The following PTPRG variants were observed in gnomAD, a reference collection of about 807,000 sequenced individuals.
PTPRG encodes receptor-type tyrosine-protein phosphatase gamma.
PTPRG carries 102 observed loss-of-function variants against 165.3 expected under a neutral mutation model. The ratio of observed to expected loss-of-function variants is 0.62; its 90% confidence interval spans 0.53 to 0.73. The LOEUF is 0.73. Among genes scored for constraint, PTPRG ranks in the 30% least tolerant of loss-of-function variants. PTPRG has a pLI of 0.00. For synonymous variants in PTPRG, 675 were observed against 669.5 expected (o/e 1.01, Z -0.13); for missense variants, 1,866 against 1,861.4 (o/e 1.00, Z -0.05).
At chr3:61,572,302 A>C (rs1414021923) in intron 1 of PTPRG, among the ~76,000 whole-genome samples, 8 of 152,196 alleles carry the variant, frequency 5.3e-5, no homozygotes, top group Admixed American at 5.2e-4. Context: ...AGTTAAAAAA[A>C]ATATGGAGAT....
At chr3:61,952,251 C>G (rs974798982) in intron 2 of PTPRG, among the ~76,000 whole-genome samples, 1 of 151,980 alleles carries the variant, frequency 6.6e-6, no homozygotes, top group Non-Finnish European at 1.5e-5. Context: ...CACTTTAGTG[C>G]CTGTGCTGTA....
chr3:62,022,118 G>C (rs1048279356), intron 4 of PTPRG, among the ~76,000 whole-genome samples: 14 of 152,132 alleles, frequency 9.2e-5, no homozygotes, highest in African/African-American at 3.4e-4. Flanking sequence ...CAAGGCTGCT[G>C]TACGTGACTA....
intron 12 of PTPRG, among the ~76,000 whole-genome samples, chr3:62,215,546 A>AACCC (rs1700475367): frequency 1.6e-5 from 1 of 63,756 alleles, no homozygotes; most frequent in Non-Finnish European, 2.9e-5. Flanking sequence ...CCCTACGGGA[A>AACCC]CCCCCCCCCC....
At chr3:62,068,423 A>G (rs898384786) in intron 4 of PTPRG, among the ~76,000 whole-genome samples, 1 of 152,156 alleles carries the variant, frequency 6.6e-6, no homozygotes, top group Non-Finnish European at 1.5e-5. Flanking sequence ...CTTATATTAA[A>G]TGGAATGAAT....
At position 62,292,472 on chromosome 3, in the gene PTPRG, G is replaced by A. The variant is rs1276677729; in HGVS notation, c.4107G>A (p.Gln1369=). ...TATGTGCCCTTACCACCCTGTCCCA[G>A]CAACTGGAGAATGAAAATGCTGTGG... ...GMLCALTTLS[Q]QLENENAVDV... Residue 1369 remains glutamine (Q), a synonymous_variant, in exon 29 of 30, where the codon CAG becomes CAA. Coordinates refer to ENST00000474889, the MANE Select transcript of PTPRG (RefSeq NM_002841.4). 1 of 1,613,488 alleles carries A rather than the reference G, an allele frequency of 6.2e-7. No homozygotes were observed. The highest frequency in any genetic ancestry group is 8.5e-7 in the Non-Finnish European group (1 of 1,179,686).
intron 12 of PTPRG, among the ~76,000 whole-genome samples, chr3:62,205,843 C>T (rs1490469544): frequency 1.3e-5 from 2 of 150,570 alleles, no homozygotes; most frequent in African/African-American, 2.5e-5. Context: ...ATCTTGGCTG[C>T]AGTGTTACTT....
At position 62,231,262 on chromosome 3, in the gene PTPRG, C is replaced by T. The variant is rs141787038; in HGVS notation, c.2326C>T (p.Arg776Cys). Residue 776 changes from arginine (R) to cysteine (C), a missense_variant, in exon 14 of 30, where the codon CGT (arginine) becomes TGT (cysteine). Arg to Cys is a radical substitution (Grantham distance 180, BLOSUM62 -3). Transcript: ENST00000474889. ...NKIKSKGFPR[R>C]FREVPSSGER... ...AATAAAGTCCAAGGGCTTTCCCAGACGTTTCCGTGAAGTGCCTTCTTCTGG... is the reference window on the plus strand; with the variant it reads ...AATAAAGTCCAAGGGCTTTCCCAGATGTTTCCGTGAAGTGCCTTCTTCTGG... The T allele has an allele frequency of 2.9e-4, 459 of 1,593,714 alleles. 1 individual carries two copies. In the African/African-American group the frequency reaches 5.7e-3, roughly 20 times the overall value.
At chr3:61,827,811 A>G (rs1008179051) in intron 2 of PTPRG, among the ~76,000 whole-genome samples, 6 of 152,182 alleles carry the variant, frequency 3.9e-5, no homozygotes, top group African/African-American at 1.4e-4. Flanking sequence ...ATCCTGATAC[A>G]GTTACTTTAG....
chr3:61,822,359 G>T (rs1296021438), intron 2 of PTPRG, among the ~76,000 whole-genome samples: 1 of 152,214 alleles, frequency 6.6e-6, no homozygotes, highest in East Asian at 1.9e-4. Flanking sequence ...CATGTTTTGA[G>T]AATTTCCCTC....
At chr3:62,146,802 A>C (rs761623709) in intron 6 of PTPRG, among the ~76,000 whole-genome samples, 1 of 152,236 alleles carries the variant, frequency 6.6e-6, no homozygotes, top group African/African-American at 2.4e-5. Flanking sequence ...ATGCATAAAC[A>C]AATGAGCTGT....
rs565030710 is a variant in PTPRG, at chr3:62,222,950, G to A, written c.2288+3967G>A. ...GTTGCTATAACAGCATATAGGAAGGGCTTCAGCCCAACCTGGAATAGGGGT... is the reference window on the plus strand; with the variant it reads ...GTTGCTATAACAGCATATAGGAAGGACTTCAGCCCAACCTGGAATAGGGGT... On this transcript the variant is annotated intron_variant, in intron 13 of 29. Transcript: ENST00000474889. This position sits in a 1 kb window ranked among gnomAD's most constrained non-coding sequence, Gnocchi z 4.5. 1.3e-5 allele frequency among the ~76,000 whole-genome samples: 2 copies of A among 152,258 alleles called. No individual in the cohort carries two copies. The highest frequency in any genetic ancestry group is 2.1e-4 in the South Asian group (1 of 4,826).
At chr3:61,918,255 G>C (rs2038990270) in intron 2 of PTPRG, among the ~76,000 whole-genome samples, 1 of 151,954 alleles carries the variant, frequency 6.6e-6, no homozygotes, top group African/African-American at 2.4e-5. Context: ...CATTCTCAGG[G>C]GACTAAATCA....
intron 2 of PTPRG, among the ~76,000 whole-genome samples, chr3:61,978,154 C>T (rs73839621): frequency 1.3e-3 from 194 of 152,284 alleles, no homozygotes; most frequent in African/African-American, 4.5e-3. Flanking sequence ...GCCTGACTGA[C>T]ATTTAGAGCT....
chr3:61,894,804 A>G (rs2038307632), intron 2 of PTPRG, among the ~76,000 whole-genome samples: 2 of 152,218 alleles, frequency 1.3e-5, no homozygotes, highest in East Asian at 1.9e-4. Flanking sequence ...TGGAGATCAG[A>G]TCCACTTAGT....
chr3:61,786,562 A>G (rs1222921494), intron 2 of PTPRG, among the ~76,000 whole-genome samples: 1 of 152,204 alleles, frequency 6.6e-6, no homozygotes. Flanking sequence ...AACGTAGCGA[A>G]GAGTTAGAAA....
intron 4 of PTPRG, among the ~76,000 whole-genome samples, chr3:62,013,866 A>C (rs146142617): frequency 2.2e-3 from 331 of 151,362 alleles, no homozygotes; most frequent in African/African-American, 7.8e-3. Context: ...TTTGAACACT[A>C]TTCTTCTCAG....
chr3:61,816,056 T>C (rs2035753252), intron 2 of PTPRG, among the ~76,000 whole-genome samples: 1 of 152,232 alleles, frequency 6.6e-6, no homozygotes, highest in African/African-American at 2.4e-5. Flanking sequence ...AATAACTCTT[T>C]TAAGTTTGTT....
At chr3:61,666,136 T>C (rs996271433) in intron 1 of PTPRG, among the ~76,000 whole-genome samples, 5 of 151,962 alleles carry the variant, frequency 3.3e-5, no homozygotes, top group African/African-American at 1.2e-4. Flanking sequence ...GGAGAAAGAG[T>C]TGCAGAGTGT....
intron 2 of PTPRG, among the ~76,000 whole-genome samples, chr3:61,878,071 A>G (rs2037792657): frequency 6.6e-6 from 1 of 152,232 alleles, no homozygotes; most frequent in African/African-American, 2.4e-5. Context: ...AATTTTCTCA[A>G]GAAGTGTTAG....
Sources: allele counts gnomAD v4.1 joint callset (sites outside exome capture counted in the v4.1 genomes callset), GRCh38; gene constraint gnomAD v4.1.1; non-coding constraint Gnocchi (gnomAD v3.1); transcripts MANE v1.5; gene names NCBI Gene and HGNC (gene_info 2026-07-23, HGNC 2026-07-21).